Variants in RABGGTA observed in about 807,000 individuals in gnomAD.
RABGGTA encodes geranylgeranyl transferase type-2 subunit alpha.
Under a neutral mutation model 83.3 loss-of-function variants are expected in RABGGTA, and 69 were observed. The observed-to-expected ratio is 0.83, with a 90% confidence interval of 0.68 to 1.01. RABGGTA has a LOEUF of 1.01. Among genes scored for constraint, RABGGTA ranks in the 50% least tolerant of loss-of-function variants. The pLI, the probability that RABGGTA is intolerant of heterozygous loss-of-function variation, is 0.00. For missense variants in RABGGTA, 681 were observed against 712.7 expected (o/e 0.96, Z 0.51); for synonymous variants, 310 against 299.8 (o/e 1.03, Z -0.35).
Position 24,268,092 on chromosome 14 carries a change from C to T in RABGGTA, c.1147+18G>A, listed in dbSNP as rs1594581230. On this transcript the variant is annotated intron_variant, in intron 12 of 16. Transcript: ENST00000216840. ...TCAGCGGGCTCTGGGAGCAGACTCT[C>T]ACGGAATGGGGCCTCACATTTATTC... 5.0e-6 allele frequency: 8 copies of T among 1,613,534 alleles called. No homozygotes were observed. In the East Asian group the frequency reaches 1.6e-4, roughly 31 times the overall value.
At position 24,266,761 on chromosome 14, in the gene RABGGTA, A is replaced by G; in HGVS notation, c.1467+15T>C. ...AGAACCACCCGTGACAGGGACGGAG[A>G]CATGGGTACTTTACCTCAAGGCAGC... On this transcript the variant is annotated intron_variant, in intron 15 of 16. Coordinates refer to ENST00000216840, the MANE Select transcript of RABGGTA (RefSeq NM_182836.3). 6.3e-7 allele frequency: 1 copy of G among 1,593,458 alleles called. No homozygotes were observed. The highest frequency in any genetic ancestry group is 2.2e-5 in the East Asian group (1 of 44,742).
chr14:24,268,962 A>G lies in RABGGTA; in HGVS notation c.747T>C (p.His249=), dbSNP rs2040909089. ...ADPQDALRCL[H]VSRDEACLTV... Reference sequence around the variant, plus strand: ...TCAGACAGGCCTCGTCCCGGCTCACATGCAGGCAGCGCAGTGCATCCTGGG... The same window carrying G: ...TCAGACAGGCCTCGTCCCGGCTCACGTGCAGGCAGCGCAGTGCATCCTGGG... The change falls in exon 8 of 17, where the codon CAT becomes CAC. Residue 249 remains histidine, a synonymous_variant. Transcript: ENST00000216840. 1.3e-6 allele frequency: 2 copies of G among 1,588,906 alleles called. No homozygotes were observed. Among genetic ancestry groups the G allele is most frequent in the African/African-American group, 1.3e-5 (1 of 74,490 alleles).
intron 3 of RABGGTA, 28 bp downstream of exon 3, chr14:24,270,809 G>A: frequency 6.2e-7 from 1 of 1,607,104 alleles, no homozygotes; most frequent in Middle Eastern, 1.7e-4. Context: ...GAGCTACTTG[G>A]GGTCGGGGCT....
In RABGGTA at chr14:24,268,410, C is replaced by T; in HGVS notation, c.1017G>A (p.Glu339=). The change falls in exon 11 of 17, where the codon GAG becomes GAA. Residue 339 remains glutamate, a synonymous_variant. Coordinates refer to ENST00000216840, the MANE Select transcript of RABGGTA (RefSeq NM_182836.3). ...CTGTCGTGGAGTCCCGGCACCAGCC[C>T]TCCTGGCGGCCTGGGGAAAGAGTAG... is the stretch of plus-strand genomic sequence containing the variant. ...KECVLLKGRQ[E]GWCRDSTTDE... 6.2e-7 allele frequency: 1 copy of T among 1,613,642 alleles called. No homozygotes were observed. Among genetic ancestry groups the T allele is most frequent in the Non-Finnish European group, 8.5e-7 (1 of 1,179,908 alleles).
At position 24,268,108 on chromosome 14, in the gene RABGGTA, A is replaced by G. The variant is rs749349356; in HGVS notation, c.1147+2T>C. 1.9e-6 allele frequency: 3 copies of G among 1,613,814 alleles called. No homozygotes were observed. Among genetic ancestry groups the G allele is most frequent in the Non-Finnish European group, 2.5e-6 (3 of 1,179,806 alleles). On this transcript the variant is annotated splice_donor_variant, in intron 12 of 16. Coordinates refer to ENST00000216840, the MANE Select transcript of RABGGTA (RefSeq NM_182836.3). LOFTEE classifies it high-confidence loss of function. ...GCAGACTCTCACGGAATGGGGCCTCACATTTATTCTCAGGCTCCAGCTCCT... is the reference window on the plus strand; with the variant it reads ...GCAGACTCTCACGGAATGGGGCCTCGCATTTATTCTCAGGCTCCAGCTCCT...
chr14:24,271,140 G>T lies in RABGGTA; in HGVS notation c.-25C>A. ...TGGTGCCGGCTCAGGGTTCAAGACA[G>T]GGGAAGGGTCCAGTGGTAGCCCTTG... is the stretch of plus-strand genomic sequence containing the variant. On this transcript the variant is annotated 5_prime_UTR_variant, in exon 2 of 17. In the 5' UTR this introduces an upstream ATG that the reference lacks. Transcript: ENST00000216840. The T allele has an allele frequency of 6.5e-7, 1 of 1,534,244 alleles. No individual in the cohort carries two copies. The highest frequency in any genetic ancestry group is 2.3e-5 in the East Asian group (1 of 44,224).
chr14:24,270,225 C>CA, intron 4 of RABGGTA, 85 bp from the exon 5 acceptor site: 1 of 1,558,616 alleles, frequency 6.4e-7, no homozygotes, highest in Non-Finnish European at 8.7e-7. Flanking sequence ...CAGCCCCCTA[C>CA]TATCCTCCAT....
chr14:24,270,598 A>AGGT (rs2040935510), intron 3 of RABGGTA, 140 bp from the exon 4 acceptor site: 1 of 1,216,568 alleles, frequency 8.2e-7, no homozygotes, highest in Admixed American at 2.3e-5. Flanking sequence ...ATGGCCTTAC[A>AGGT]GGTATTCTCT....
At chr14:24,269,400 A>C (rs2040915747) in intron 6 of RABGGTA, 91 bp downstream of exon 6, 2 of 1,433,846 alleles carry the variant, frequency 1.4e-6, no homozygotes, top group African/African-American at 1.4e-5. Flanking sequence ...TGCTCAATAA[A>C]CCTGAGTGAC....
Position 24,267,909 on chromosome 14 carries a change from C to T in RABGGTA, c.1197G>A (p.Leu399=). The part of the protein sequence containing the change: ...ILLMRALDPL[L]YEKETLQYFQ... ...AGTACTGCAGGGTCTCCTTCTCATA[C>T]AGCAGGGGGTCCAGTGCCCGCATCA... The change falls in exon 13 of 17, where the codon CTG becomes CTA. Residue 399 remains leucine (L), a synonymous_variant. Coordinates refer to ENST00000216840, the MANE Select transcript of RABGGTA (RefSeq NM_182836.3). The T allele has an allele frequency of 6.2e-7, 1 of 1,613,842 alleles. No homozygotes were observed. Among genetic ancestry groups the T allele is most frequent in the Non-Finnish European group, 8.5e-7 (1 of 1,179,864 alleles).
Position 24,269,974 on chromosome 14 carries a change from G to A in RABGGTA, c.406C>T (p.Leu136=). ...TRELELCARF[L]EVDERNFHCW... ...GTACAGTTCCGCTCATCCACCTCCAGGAAACGGGCACAGAGCTCCAGCTCT... is the reference window on the plus strand; with the variant it reads ...GTACAGTTCCGCTCATCCACCTCCAAGAAACGGGCACAGAGCTCCAGCTCT... Residue 136 remains leucine, a synonymous_variant, in exon 5 of 17, where the codon CTG becomes TTG. Transcript: ENST00000216840. 1 of 1,613,690 alleles carries A rather than the reference G, an allele frequency of 6.2e-7. No homozygotes were observed.
At position 24,269,623 on chromosome 14, in the gene RABGGTA, T is replaced by A; in HGVS notation, c.499A>T (p.Thr167Ser). 6.2e-7 allele frequency: 1 copy of A among 1,613,952 alleles called. No homozygotes were observed. The highest frequency in any genetic ancestry group is 8.5e-7 in the Non-Finnish European group (1 of 1,179,846). ...AVPPAEELAF[T>S]DSLITRNFSN... is the part of the protein sequence containing the mutation. ...AAGTTTCGGGTGATGAGGCTGTCAG[T>A]GAAGGCTAGCTCTTCTGCAGGGGGC... Residue 167 changes from threonine (T) to serine (S), a missense_variant, in exon 6 of 17, where the codon ACT (threonine) becomes TCT (serine). By Grantham distance (58) the Thr-to-Ser change is moderately conservative (BLOSUM62 1). This residue lies in a region of RABGGTA where 122 missense variants were observed against 118.9 expected (regional missense o/e 1.03). Transcript: ENST00000216840.
chr14:24,266,832 AC>A lies in RABGGTA; in HGVS notation c.1410del (p.Leu470PhefsTer29). The A allele has an allele frequency of 6.2e-7, 1 of 1,613,988 alleles. No homozygotes were observed. The highest frequency in any genetic ancestry group is 8.5e-7 in the Non-Finnish European group (1 of 1,179,876). ...GGCAGGGTTCGGAGGCGATTGTGTG[AC>A]AAGTCAAGATGGGTGACCAAGAGCA... ...EQLLLVTHLD[L>X]SHNRLRTLPP... On this transcript the variant is annotated frameshift_variant, in exon 15 of 17. Transcript: ENST00000216840. LOFTEE classifies it high-confidence loss of function.
In RABGGTA at chr14:24,267,728, A is replaced by T. The variant is rs1008296850; in HGVS notation, c.1285T>A (p.Phe429Ile). 1.9e-6 allele frequency: 3 copies of T among 1,611,994 alleles called. No homozygotes were observed. The African/African-American group carries it at 4.0e-5, about 22-fold the overall frequency. Residue 429 changes from phenylalanine to isoleucine, a missense_variant, in exon 14 of 17, where the codon TTC (phenylalanine) becomes ATC (isoleucine). Phe to Ile is a conservative substitution (Grantham distance 21). Transcript: ENST00000216840. ...TTGAGCACGCTATTCTCCAGCAAGAACTTGCTGCGCAGGTCATCCAGATAC... is the reference window on the plus strand; with the variant it reads ...TTGAGCACGCTATTCTCCAGCAAGATCTTGCTGCGCAGGTCATCCAGATAC... ...ATYLDDLRSK[F>I]LLENSVLKME...
rs139279119 is a variant in RABGGTA, at chr14:24,270,520, G to A, written c.115-62C>T. The stretch of plus-strand genomic sequence containing the variant: ...TTTTCCCACTACAGGACTAAATAAC[G>A]TAAACTTAAAACCATCCAATATTCT... On this transcript the variant is annotated intron_variant, in intron 3 of 16. Transcript: ENST00000216840. 51 of 1,591,472 alleles carry A rather than the reference G, an allele frequency of 3.2e-5. 1 individual carries two copies. Among genetic ancestry groups the A allele is most frequent in the African/African-American group, 4.0e-5 (3 of 74,554 alleles).
intron 12 of RABGGTA, 42 bp from the exon 13 acceptor site, chr14:24,268,000 T>G: frequency 6.2e-7 from 1 of 1,603,282 alleles, no homozygotes; most frequent in Non-Finnish European, 8.5e-7. Flanking sequence ...TCTTGGAACC[T>G]CCTCTGCTCC....
Position 24,266,859 on chromosome 14 carries a change from G to C in RABGGTA, c.1384C>G (p.Leu462Val). Residue 462 changes from leucine (L) to valine (V), a missense_variant, in exon 15 of 17, where the codon CTG becomes GTG. Physicochemically the swap from Leu to Val is conservative, Grantham distance 32. Transcript: ENST00000216840. ...AAGTCAAGATGGGTGACCAAGAGCA[G>C]CTGTTCCAGATGGCAGAGCACTGTC... ...DLTVLCHLEQ[L>V]LLVTHLDLSH... The C allele has an allele frequency of 6.2e-7, 1 of 1,613,964 alleles. No individual in the cohort carries two copies. The highest frequency in any genetic ancestry group is 8.5e-7 in the Non-Finnish European group (1 of 1,179,832).
chr14:24,269,276 G>A (rs1209750391), intron 6 of RABGGTA, 113 bp from the exon 7 acceptor site: 4 of 1,128,100 alleles, frequency 3.5e-6, no homozygotes, highest in Non-Finnish European at 5.1e-6. Flanking sequence ...TCACTTATAT[G>A]CTGTCCTTGC....
At position 24,266,531 on chromosome 14, in the gene RABGGTA, G is replaced by A. The variant is rs374991554; in HGVS notation, c.1468-14C>T. 189 of 1,612,288 alleles carry A rather than the reference G, an allele frequency of 1.2e-4. No individual in the cohort carries two copies. Among genetic ancestry groups the A allele is most frequent in the Non-Finnish European group, 1.6e-4 (185 of 1,178,672 alleles). ...GGCCTGCAGCACCTGGGGGCAGGGAGGGCAGGGAGGCAGGACAGGCGCTGT... is the reference window on the plus strand; with the variant it reads ...GGCCTGCAGCACCTGGGGGCAGGGAAGGCAGGGAGGCAGGACAGGCGCTGT... On this transcript the variant is annotated splice_polypyrimidine_tract_variant and intron_variant, in intron 15 of 16. Transcript: ENST00000216840.
Sources: allele counts gnomAD v4.1 joint callset, GRCh38; gene constraint gnomAD v4.1.1; regional missense constraint gnomAD v4.1.1; transcripts MANE v1.5; gene names NCBI Gene and HGNC (gene_info 2026-07-23, HGNC 2026-07-21).